The following STPG2 variants were observed in gnomAD, a reference collection of about 807,000 sequenced individuals.
STPG2 encodes the protein sperm-tail PG-rich repeat-containing protein 2.
In STPG2, 56 loss-of-function variants were observed where a neutral mutation model predicts 54.2. The ratio of observed to expected loss-of-function variants is 1.03; its 90% CI spans 0.83 to 1.29. The LOEUF (loss-of-function observed/expected upper bound fraction) is 1.29. STPG2 is among the 50% of genes most tolerant of loss of function. The pLI, the probability that STPG2 is intolerant of heterozygous loss-of-function variation, is 0.00. For synonymous variants in STPG2, 200 were observed against 181.8 expected (o/e 1.10, Z -0.81); for missense variants, 596 against 544.9 (o/e 1.09, Z -0.93).
At chr4:98,098,597 G>A (rs1241239675) in intron 5 of STPG2, among the ~76,000 whole-genome samples, 2 of 152,060 alleles carry the variant, frequency 1.3e-5, no homozygotes, top group Non-Finnish European at 2.9e-5. Context: ...ACAAGCACAG[G>A]TAACCAAAGC....
intron 4 of STPG2, among the ~76,000 whole-genome samples, chr4:97,536,564 A>G (rs1408032933): frequency 6.6e-6 from 1 of 152,226 alleles, no homozygotes; most frequent in Non-Finnish European, 1.5e-5. Context: ...AAGAAAAAAG[A>G]CATTCAAACA....
chr4:97,526,198 G>C (rs1482915650), intron 4 of STPG2, among the ~76,000 whole-genome samples: 1 of 152,030 alleles, frequency 6.6e-6, no homozygotes, highest in Non-Finnish European at 1.5e-5. Context: ...GAAAACTAGA[G>C]AGGTAAGGGA....
chr4:98,098,756 G>A (rs571820323), intron 5 of STPG2, among the ~76,000 whole-genome samples: 1 of 152,080 alleles, frequency 6.6e-6, no homozygotes, highest in African/African-American at 2.4e-5. Context: ...CATATAAGGA[G>A]CTCAAACAAC....
At chr4:97,961,290 C>T (rs1208876483) in intron 7 of STPG2, among the ~76,000 whole-genome samples, 1 of 151,984 alleles carries the variant, frequency 6.6e-6, no homozygotes, top group Non-Finnish European at 1.5e-5. Flanking sequence ...TTGGCTTAGG[C>T]AAAGATTTCA....
intron 10 of STPG2, among the ~76,000 whole-genome samples, chr4:97,571,439 A>G (rs962023488): frequency 5.9e-5 from 9 of 152,148 alleles, no homozygotes; most frequent in African/African-American, 2.2e-4. Context: ...ACATCAACAC[A>G]GACTTTAAAT....
intron 10 of STPG2, among the ~76,000 whole-genome samples, chr4:97,671,859 G>T (rs1341879335): frequency 1.3e-5 from 2 of 152,038 alleles, no homozygotes; most frequent in African/African-American, 2.4e-5. Flanking sequence ...AAACCCTGAA[G>T]AATTTTTTTT....
intron 8 of STPG2, among the ~76,000 whole-genome samples, chr4:97,878,006 G>A (rs1730239571): frequency 6.6e-6 from 1 of 152,172 alleles, no homozygotes; most frequent in Non-Finnish European, 1.5e-5. Context: ...AAACAAAGAG[G>A]CTGCAGGCCC....
chr4:97,796,992 T>A (rs1448412489), intron 9 of STPG2, among the ~76,000 whole-genome samples: 1 of 152,184 alleles, frequency 6.6e-6, no homozygotes, highest in East Asian at 1.9e-4. Flanking sequence ...TTTGGCTCTC[T>A]GTTATTGGTG....
intron 8 of STPG2, among the ~76,000 whole-genome samples, chr4:97,886,383 A>G (rs967280077): frequency 2.6e-5 from 4 of 152,214 alleles, no homozygotes; most frequent in Non-Finnish European, 4.4e-5. Context: ...AGAAAACAGG[A>G]ACCAAAGATT....
chr4:97,716,548 A>G (rs1724293981), intron 9 of STPG2, among the ~76,000 whole-genome samples: 2 of 152,092 alleles, frequency 1.3e-5, no homozygotes, highest in South Asian at 4.1e-4. Context: ...TGTCCTTTGC[A>G]GGGACATGGA....
chr4:97,655,633 C>G (rs1474429736), intron 10 of STPG2, among the ~76,000 whole-genome samples: 1 of 151,864 alleles, frequency 6.6e-6, no homozygotes, highest in Non-Finnish European at 1.5e-5. Flanking sequence ...TTTAATAATG[C>G]CTACAGCACC....
chr4:97,547,597 G>A (rs1731862423), intron 4 of STPG2, among the ~76,000 whole-genome samples: 1 of 152,176 alleles, frequency 6.6e-6, no homozygotes, highest in African/African-American at 2.4e-5. Context: ...ATAGACTGAA[G>A]GTGGGTGATG....
chr4:97,651,214 C>T (rs1385616811), intron 10 of STPG2, among the ~76,000 whole-genome samples: 1 of 151,914 alleles, frequency 6.6e-6, no homozygotes, highest in Non-Finnish European at 1.5e-5. Context: ...ACCAGTTTTC[C>T]TGTTAGACCA....
chr4:97,737,447 A>T (rs945033444), intron 9 of STPG2, among the ~76,000 whole-genome samples: 2 of 152,224 alleles, frequency 1.3e-5, no homozygotes, highest in Non-Finnish European at 2.9e-5. Context: ...AAAGGCAAAG[A>T]AGTTAAAAAC....
intron 9 of STPG2, among the ~76,000 whole-genome samples, chr4:97,820,482 C>T (rs1465298235): frequency 1.3e-5 from 2 of 152,168 alleles, no homozygotes; most frequent in Non-Finnish European, 2.9e-5. Context: ...AGACCTCTTG[C>T]ACCAAACAGT....
intron 6 of STPG2, among the ~76,000 whole-genome samples, chr4:97,974,360 T>C (rs1680618837): frequency 6.6e-6 from 1 of 152,216 alleles, no homozygotes; most frequent in South Asian, 2.1e-4. Flanking sequence ...TCTTAAATGA[T>C]ACTTTGGACT....
chr4:97,754,521 T>C (rs974638676), intron 9 of STPG2, among the ~76,000 whole-genome samples: 2 of 152,114 alleles, frequency 1.3e-5, no homozygotes, highest in African/African-American at 2.4e-5. Context: ...ACTAAATTTG[T>C]TATAATTATG....
At chr4:97,664,854 C>G (rs904004751) in intron 10 of STPG2, among the ~76,000 whole-genome samples, 4 of 151,960 alleles carry the variant, frequency 2.6e-5, no homozygotes, top group Admixed American at 2.6e-4. Flanking sequence ...TTGGCTTGTG[C>G]TACTGGCCTG....
At chr4:97,540,152 C>CA (rs955723438) in intron 4 of STPG2, among the ~76,000 whole-genome samples, 27 of 151,982 alleles carry the variant, frequency 1.8e-4, no homozygotes, top group Non-Finnish European at 3.1e-4. Context: ...GAGACAGAGA[C>CA]AAAAAACCCT....
Sources: gnomAD v4.1 joint callset for allele counts (sites outside exome capture counted in the v4.1 genomes callset) on GRCh38, gnomAD v4.1.1 for gene constraint, MANE v1.5 for transcripts, NCBI Gene and HGNC (gene_info 2026-07-23, HGNC 2026-07-21) for gene names.